WDR82: variants seen among roughly 807,000 people sequenced by gnomAD.
WDR82 encodes the protein WD repeat-containing protein 82.
In WDR82, 8 loss-of-function variants were observed where a neutral mutation model predicts 36.1. The ratio of observed to expected loss-of-function variants is 0.22; its 90% CI spans 0.13 to 0.40. The LOEUF (loss-of-function observed/expected upper bound fraction) is 0.40, where lower values mean the gene tolerates loss of function less well. Among genes scored for constraint, WDR82 ranks in the 10% least tolerant of loss-of-function variants. The pLI, the probability that WDR82 is intolerant of heterozygous loss-of-function variation, is 1.00. For missense variants in WDR82, 185 were observed against 400.5 expected, an observed-to-expected ratio of 0.46 and a Z score of 4.59; for synonymous variants, 129 against 137.8, an observed-to-expected ratio of 0.94 and a Z score of 0.45.
intron 1 of WDR82, among the ~76,000 whole-genome samples, chr3:52,271,577 AAG>A (rs1700154317): frequency 6.8e-6 from 1 of 147,966 alleles, no homozygotes; most frequent in African/African-American, 2.6e-5. Context: ...TCCATTTAGA[AAG>A]AAGCTCTGTG....
chr3:52,265,299 C>CAAAAAAAAAAAAAAA (rs869189597), intron 3 of WDR82, among the ~76,000 whole-genome samples: 1 of 43,810 alleles, frequency 2.3e-5, no homozygotes, highest in African/African-American at 9.2e-5. Context: ...GACTCTGTCT[C>CAAAAAAAAAAAAAAA]AAAAAAAAAA....
rs1700018521 is a variant in WDR82, at chr3:52,257,315, C to CA, written c.*174dup. On this transcript the variant is annotated 3_prime_UTR_variant, in exon 9 of 9. Coordinates refer to ENST00000296490, the MANE Select transcript of WDR82 (RefSeq NM_025222.4). ...CACCAAGAGTCCTTTTGAAGACGCTCATCAAAGTAATTATTTTCTTTTGAG... is the reference window on the plus strand; with the variant it reads ...CACCAAGAGTCCTTTTGAAGACGCTCAATCAAAGTAATTATTTTCTTTTGAG... 4.9e-6 allele frequency: 4 copies of CA among 811,316 alleles called. No individual in the cohort carries two copies. The highest frequency in any genetic ancestry group is 7.7e-6 in the Non-Finnish European group (4 of 518,538). The allele number at this position is 811,316 out of a possible 1,614,324, so 50.3% of individuals were successfully genotyped here. A position where few individuals can be genotyped will look rare whatever the true frequency, so the allele number is the denominator to read the frequency against.
At chr3:52,261,220 T>C (rs539026502) in intron 4 of WDR82, among the ~76,000 whole-genome samples, 160 bp downstream of exon 4, 1 of 152,314 alleles carries the variant, frequency 6.6e-6, no homozygotes, top group East Asian at 1.9e-4. Flanking sequence ...GGTATGTGCT[T>C]AGCAGCTACC....
Position 52,257,295 on chromosome 3 carries a change from A to C in WDR82, c.*195T>G. On this transcript the variant is annotated 3_prime_UTR_variant, in exon 9 of 9. Transcript: ENST00000296490. ...AGTTCCAATTGAGTCTGTTGCACCA[A>C]GAGTCCTTTTGAAGACGCTCATCAA... The C allele has an allele frequency of 1.5e-6, 1 of 682,146 alleles. No homozygotes were observed. The allele number at this position is 682,146 out of a possible 1,614,324, so 42.3% of individuals were successfully genotyped here.
At chr3:52,272,619 T>G (rs1700164753) in intron 1 of WDR82, among the ~76,000 whole-genome samples, 1 of 151,638 alleles carries the variant, frequency 6.6e-6, no homozygotes, top group African/African-American at 2.4e-5. Context: ...CTAAAATAAC[T>G]CTCCAATACG....
chr3:52,265,568 T>C (rs1700098660), intron 3 of WDR82, among the ~76,000 whole-genome samples: 1 of 139,724 alleles, frequency 7.2e-6, no homozygotes, highest in Non-Finnish European at 1.6e-5. Context: ...AAGTGCAACT[T>C]TTTTTTTTTT....
chr3:52,263,224 G>C (rs1700076719), intron 3 of WDR82, among the ~76,000 whole-genome samples: 1 of 152,244 alleles, frequency 6.6e-6, no homozygotes. Flanking sequence ...TCTATGCTGA[G>C]AAGTACAGGG....
In WDR82 at chr3:52,258,829, G is replaced by C. The variant is rs565522711; in HGVS notation, c.770-151C>G. 1.3e-5 allele frequency: 14 copies of C among 1,098,104 alleles called. No individual in the cohort carries two copies. The African/African-American group carries it at 1.9e-4, about 15-fold the overall frequency. The allele number at this position is 1,098,104 out of a possible 1,614,324, so 68.0% of individuals were successfully genotyped here. ...GAGGGAGGAGAGGCAGTGAAGGAAG[G>C]ACACTTTGGAAATTTATCTTGACCC... is the stretch of plus-strand genomic sequence containing the variant. On this transcript the variant is annotated intron_variant, in intron 7 of 8. Coordinates refer to ENST00000296490, the MANE Select transcript of WDR82 (RefSeq NM_025222.4).
In WDR82 at chr3:52,270,743, G is replaced by A; in HGVS notation, c.228C>T (p.Asn76=). The change falls in exon 2 of 9, where the codon AAC becomes AAT. Residue 76 remains asparagine, a synonymous_variant. Transcript: ENST00000296490. Reference sequence around the variant, plus strand: ...TTTTGTTAGAGCTGTAAACAACTGTGTTTGCTGCATGAGTGTATCTGATGA... The same window carrying A: ...TTTTGTTAGAGCTGTAAACAACTGTATTTGCTGCATGAGTGTATCTGATGA... ...VDLIRYTHAA[N]TVVYSSNKID... 1 of 1,613,158 alleles carries A rather than the reference G, an allele frequency of 6.2e-7. No homozygotes were observed. Among genetic ancestry groups the A allele is most frequent in the Non-Finnish European group, 8.5e-7 (1 of 1,179,614 alleles).
intron 1 of WDR82, among the ~76,000 whole-genome samples, chr3:52,277,954 T>C (rs1001990526): frequency 5.3e-5 from 8 of 151,934 alleles, no homozygotes; most frequent in African/African-American, 1.2e-4. Context: ...AAGTGATGCA[T>C]AGCGCTCAAA....
chr3:52,271,108 CAT>C (rs1700149399), intron 1 of WDR82, among the ~76,000 whole-genome samples: 1 of 152,170 alleles, frequency 6.6e-6, no homozygotes, highest in Admixed American at 6.5e-5. Flanking sequence ...AAAATACAAT[CAT>C]GTGCCATGTG....
chr3:52,271,408 G>A (rs1181418413), intron 1 of WDR82, among the ~76,000 whole-genome samples: 1 of 152,150 alleles, frequency 6.6e-6, no homozygotes, highest in Non-Finnish European at 1.5e-5. Flanking sequence ...ACTCTATGAT[G>A]CTGCTGCAAC....
intron 2 of WDR82, among the ~76,000 whole-genome samples, chr3:52,270,447 T>A (rs1039382269): frequency 6.6e-6 from 1 of 152,184 alleles, no homozygotes; most frequent in Non-Finnish European, 1.5e-5. Context: ...TGTCAGGAAG[T>A]ACAAATCATA....
At chr3:52,260,924 G>C (rs1030454685) in intron 4 of WDR82, among the ~76,000 whole-genome samples, 1 of 152,218 alleles carries the variant, frequency 6.6e-6, no homozygotes, top group Admixed American at 6.5e-5. Flanking sequence ...CTGAGGTCAG[G>C]AGACTAGCCT....
chr3:52,268,477 T>C (rs1700125633), intron 2 of WDR82: 1 of 350,646 alleles, frequency 2.9e-6, no homozygotes, highest in African/African-American at 2.1e-5. Flanking sequence ...TGCCACACAT[T>C]TGCCTCATCT....
Position 52,256,667 on chromosome 3 carries a change from C to T in WDR82, c.*823G>A, listed in dbSNP as rs1255692214. The T allele has an allele frequency of 3.2e-5, 5 of 153,900 alleles. No homozygotes were observed. The highest frequency in any genetic ancestry group is 5.9e-5 in the Non-Finnish European group (4 of 68,080). The allele number at this position is 153,900 out of a possible 1,614,324, so 9.5% of individuals were successfully genotyped here. On this transcript the variant is annotated 3_prime_UTR_variant, in exon 9 of 9. Transcript: ENST00000296490. ...AATAGACTCCCACCTTGCTTTTGTACAAACCAAGCTTGGTAGGCACCCAGG... is the reference window on the plus strand; with the variant it reads ...AATAGACTCCCACCTTGCTTTTGTATAAACCAAGCTTGGTAGGCACCCAGG...
intron 2 of WDR82, chr3:52,268,498 T>A (rs1578009174): frequency 9.2e-6 from 3 of 326,272 alleles, no homozygotes; most frequent in East Asian, 1.6e-4. Flanking sequence ...TGCACCACAT[T>A]TGGAGAATCC....
chr3:52,272,164 T>C (rs545662216), intron 1 of WDR82, among the ~76,000 whole-genome samples: 1 of 152,314 alleles, frequency 6.6e-6, no homozygotes, highest in East Asian at 1.9e-4. Flanking sequence ...CTTAAATGTC[T>C]CCCTTTACAG....
At chr3:52,272,270 G>A (rs372800263) in intron 1 of WDR82, among the ~76,000 whole-genome samples, 9 of 152,200 alleles carry the variant, frequency 5.9e-5, no homozygotes, top group Non-Finnish European at 8.8e-5. Flanking sequence ...TAGGCTGGGC[G>A]TGGTGGCTCA....
Sources: allele counts gnomAD v4.1 joint callset (sites outside exome capture counted in the v4.1 genomes callset), GRCh38; gene constraint gnomAD v4.1.1; transcripts MANE v1.5; gene names NCBI Gene and HGNC (gene_info 2026-07-23, HGNC 2026-07-21).